Variants in BCAT1 observed in about 807,000 individuals in gnomAD.
The protein encoded by BCAT1 is branched-chain-amino-acid aminotransferase, cytosolic.
In BCAT1, 48 loss-of-function variants were observed where a neutral mutation model predicts 52.4. The observed-to-expected ratio is 0.92, with a 90% confidence interval of 0.73 to 1.16. The LOEUF (loss-of-function observed/expected upper bound fraction) is 1.16, where lower values mean the gene tolerates loss of function less well. Among genes scored for constraint, BCAT1 ranks in the 50% most tolerant of loss-of-function variants. The pLI is 0.00. For missense variants in BCAT1, 451 were observed against 457.1 expected (o/e 0.99, Z 0.12); for synonymous variants, 167 against 161.3 (o/e 1.04, Z -0.27).
At chr12:24,914,490 C>T (rs1943377871) in intron 1 of BCAT1, among the ~76,000 whole-genome samples, 1 of 152,160 alleles carries the variant, frequency 6.6e-6, no homozygotes, top group South Asian at 2.1e-4. Flanking sequence ...GTGTTGCTTC[C>T]ACCAAAGTCA....
intron 10 of BCAT1, among the ~76,000 whole-genome samples, chr12:24,823,354 G>A (rs575408034): frequency 6.8e-4 from 103 of 152,234 alleles, no homozygotes; most frequent in Non-Finnish European, 1.2e-3. Flanking sequence ...GATTACAGGC[G>A]TAAGCCACCA....
intron 1 of BCAT1, among the ~76,000 whole-genome samples, chr12:24,932,230 CAG>C: frequency 6.6e-6 from 1 of 152,316 alleles, no homozygotes; most frequent in East Asian, 1.9e-4. Context: ...CAAAACCTCT[CAG>C]GGGCATTTCA....
At chr12:24,926,795 C>T (rs1298033754) in intron 1 of BCAT1, among the ~76,000 whole-genome samples, 2 of 152,198 alleles carry the variant, frequency 1.3e-5, no homozygotes, top group African/African-American at 4.8e-5. Context: ...TCCCTAATCT[C>T]AAGTACCCAG....
Position 24,844,982 on chromosome 12 carries a change from G to A in BCAT1, c.675-2758C>T, listed in dbSNP as rs12312774. ...AATCTCAGCACTTTGGGAGGCTGAGGTGGGCAAGTTACTTGAGGTCAGGAG... is the reference window on the plus strand; with the variant it reads ...AATCTCAGCACTTTGGGAGGCTGAGATGGGCAAGTTACTTGAGGTCAGGAG... On this transcript the variant is annotated intron_variant, in intron 6 of 10. Coordinates refer to ENST00000261192, the MANE Select transcript of BCAT1 (RefSeq NM_005504.7). Among the ~76,000 whole-genome samples the A allele has an allele frequency of 9.6e-3, 1,461 of 151,414 alleles. 28 individuals carry two copies. The highest frequency in any genetic ancestry group is 0.033 in the African/African-American group (1,359 of 41,228).
Position 24,927,381 on chromosome 12 carries a change from A to G in BCAT1, c.6+21546T>C, listed in dbSNP as rs11047706. ...GAAACAGAAGAATGCAAGGTGATCT[A>G]CATAGACAAGCTACATAGCAATACT... On this transcript the variant is annotated intron_variant, in intron 1 of 10. Transcript: ENST00000261192. 2.7e-3 allele frequency among the ~76,000 whole-genome samples: 417 copies of G among 152,346 alleles called. 3 individuals carry two copies. Among genetic ancestry groups the G allele is most frequent in the Admixed American group, 4.0e-3 (61 of 15,302 alleles).
At chr12:24,947,533 A>C (rs963845040) in intron 1 of BCAT1, among the ~76,000 whole-genome samples, 6 of 152,354 alleles carry the variant, frequency 3.9e-5, no homozygotes, top group African/African-American at 1.4e-4. Flanking sequence ...TTGTGATAAA[A>C]CTAACTTAAT....
At chr12:24,891,947 T>C (rs1033663445) in intron 3 of BCAT1, among the ~76,000 whole-genome samples, 255 of 150,852 alleles carry the variant, frequency 1.7e-3, no homozygotes, top group Non-Finnish European at 2.2e-3. Context: ...TTAGTAGAGA[T>C]GGGGTTTCAC....
intron 1 of BCAT1, among the ~76,000 whole-genome samples, chr12:24,943,326 C>G (rs937358040): frequency 1.3e-5 from 2 of 151,846 alleles, no homozygotes; most frequent in African/African-American, 2.4e-5. Flanking sequence ...AACCCCATCT[C>G]TACAAAAAAT....
At chr12:24,827,895 C>A (rs772659628) in intron 10 of BCAT1, among the ~76,000 whole-genome samples, 10 of 150,902 alleles carry the variant, frequency 6.6e-5, no homozygotes, top group Non-Finnish European at 1.2e-4. Flanking sequence ...CTTTTAAACT[C>A]TCTTTTAAAC....
intron 1 of BCAT1, among the ~76,000 whole-genome samples, chr12:24,912,602 T>C (rs143580833): frequency 4.0e-5 from 6 of 151,706 alleles, no homozygotes; most frequent in East Asian, 3.9e-4. Context: ...TGATGGCTTA[T>C]GTCTGTAATC....
Position 24,836,947 on chromosome 12 carries a change from AAAGAAAGAAAAGAG to A in BCAT1, c.818-365_818-352del, listed in dbSNP as rs747351147. ...GAAAGAAAGAAAGAAAGAAAGAAAG[AAAGAAAGAAAAGAG>A]AAAGAAAGAAAGAGAGAGAGGGAGG... On this transcript the variant is annotated intron_variant, in intron 7 of 10. Coordinates refer to ENST00000261192, the MANE Select transcript of BCAT1 (RefSeq NM_005504.7). 6.2e-3 allele frequency among the ~76,000 whole-genome samples: 719 copies of A among 116,862 alleles called. 14 individuals carry two copies. Among genetic ancestry groups the A allele is most frequent in the Non-Finnish European group, 0.01 (518 of 49,646 alleles). 76.7% of individuals were successfully genotyped at this position (116,862 alleles called of 152,430 possible). A position where few individuals can be genotyped will look rare whatever the true frequency, so the allele number is the denominator to read the frequency against.
At chr12:24,892,893 T>C (rs978179386) in intron 3 of BCAT1, among the ~76,000 whole-genome samples, 3 of 152,176 alleles carry the variant, frequency 2.0e-5, no homozygotes, top group African/African-American at 7.2e-5. Context: ...ACCTGTTCTT[T>C]ATTATACCTT....
intron 1 of BCAT1, among the ~76,000 whole-genome samples, chr12:24,936,723 T>TCTCTCTCTCTCTCTCTCTCTCTCA (rs201793932): frequency 5.4e-4 from 76 of 141,906 alleles, no homozygotes; most frequent in Middle Eastern, 3.7e-3. Context: ...TCTCTCTCTC[T>TCTCTCTCTCTCTCTCTCTCTCTCA]CACACACACA....
intron 6 of BCAT1, among the ~76,000 whole-genome samples, chr12:24,845,995 A>G (rs148543769): frequency 3.0e-4 from 46 of 152,340 alleles, no homozygotes; most frequent in African/African-American, 1.1e-3. Context: ...AAAATAAATT[A>G]TTTTTTCATA....
Position 24,914,384 on chromosome 12 carries a change from G to T in BCAT1, c.7-12499C>A, listed in dbSNP as rs148755489. Among the ~76,000 whole-genome samples, 70 of 152,202 alleles carry T rather than the reference G, an allele frequency of 4.6e-4. No individual in the cohort carries two copies. In the East Asian group the frequency reaches 0.013, roughly 28 times the overall value. Reference sequence around the variant, plus strand: ...AGGTGTGAACTACTGTGCCCAGCGGGTGGATTATTTTATAAGCCATTGAAC... The same window carrying T: ...AGGTGTGAACTACTGTGCCCAGCGGTTGGATTATTTTATAAGCCATTGAAC... On this transcript the variant is annotated intron_variant, in intron 1 of 10. Coordinates refer to ENST00000261192, the MANE Select transcript of BCAT1 (RefSeq NM_005504.7).
chr12:24,864,553 C>CTA (rs1941948592), intron 5 of BCAT1, among the ~76,000 whole-genome samples: 2 of 152,162 alleles, frequency 1.3e-5, no homozygotes, highest in Non-Finnish European at 2.9e-5. Context: ...AGAAGGAGAA[C>CTA]TATGATAGGA....
chr12:24,904,999 T>C (rs1481178568), intron 1 of BCAT1, among the ~76,000 whole-genome samples: 1 of 152,210 alleles, frequency 6.6e-6, no homozygotes, highest in Non-Finnish European at 1.5e-5. Flanking sequence ...TCTGAAAGAT[T>C]AAAGAAATTT....
At chr12:24,868,506 A>G (rs1203651265) in intron 5 of BCAT1, among the ~76,000 whole-genome samples, 1 of 152,222 alleles carries the variant, frequency 6.6e-6, no homozygotes, top group Non-Finnish European at 1.5e-5. Flanking sequence ...CTATGGAAAC[A>G]TGACATATCA....
At chr12:24,904,075 A>C (rs1943184143) in intron 1 of BCAT1, 1 of 152,228 alleles carries the variant, frequency 6.6e-6, no homozygotes, top group African/African-American at 2.4e-5. Context: ...TCCTTTATAC[A>C]AGGCACAGAA....
Sources: gnomAD v4.1 joint callset for allele counts (sites outside exome capture counted in the v4.1 genomes callset) on GRCh38, gnomAD v4.1.1 for gene constraint, MANE v1.5 for transcripts, NCBI Gene and HGNC (gene_info 2026-07-23, HGNC 2026-07-21) for gene names.